KIAA2012: variants seen among roughly 807,000 people sequenced by gnomAD.
KIAA2012 encodes the protein uncharacterized protein KIAA2012.
KIAA2012 carries 125 observed loss-of-function variants against 150.6 expected under a neutral mutation model. The ratio of observed to expected loss-of-function variants is 0.83; its 90% CI spans 0.72 to 0.96. The LOEUF is 0.96. KIAA2012 is among the 40% of genes least tolerant of loss of function. The pLI is 0.00. For synonymous variants in KIAA2012, 462 were observed against 504.7 expected, an observed-to-expected ratio of 0.92 and a Z score of 1.13; for missense variants, 1,219 against 1,354.9, an observed-to-expected ratio of 0.90 and a Z score of 1.57.
Position 202,090,825 on chromosome 2 carries a change from GCCAGGCCCAACGGCAGAT to G in KIAA2012, c.430_447del (p.Ala144_Gln149del). The G allele has an allele frequency of 6.4e-7, 1 of 1,550,624 alleles. No individual in the cohort carries two copies. The highest frequency in any genetic ancestry group is 8.7e-7 in the Non-Finnish European group (1 of 1,146,984). ...CTCCACTTCCGAAGCCAGCTGGAGA[GCCAGGCCCAACGGCAGAT>G]CCAGCCAGGGCATTCAGCCAAGAGA... On this transcript the variant is annotated inframe_deletion, in exon 3 of 24. Transcript: ENST00000498697.
At chr2:202,139,698 C>T (rs1691159579) in intron 13 of KIAA2012, among the ~76,000 whole-genome samples, 1 of 152,212 alleles carries the variant, frequency 6.6e-6, no homozygotes, top group Non-Finnish European at 1.5e-5. Flanking sequence ...CTCCCTGCTG[C>T]CAAGGAGCTG....
rs774948285 is a variant in KIAA2012, at chr2:202,186,919, T to C, written c.2211-14T>C. On this transcript the variant is annotated splice_polypyrimidine_tract_variant and intron_variant, in intron 16 of 23. Coordinates refer to ENST00000498697, the MANE Select transcript of KIAA2012 (RefSeq NM_001277372.4). ...TTTCTTTAGTTTGGTCCTGTTGGTTTGCTCTTTTCAAAGGGGCAGAGATTA... is the reference window on the plus strand; with the variant it reads ...TTTCTTTAGTTTGGTCCTGTTGGTTCGCTCTTTTCAAAGGGGCAGAGATTA... 1.7e-5 allele frequency: 27 copies of C among 1,548,774 alleles called. No individual in the cohort carries two copies. Among genetic ancestry groups the C allele is most frequent in the Admixed American group, 1.4e-4 (7 of 50,602 alleles).
At chr2:202,160,267 T>A (rs1047524942) in intron 14 of KIAA2012, among the ~76,000 whole-genome samples, 2 of 152,162 alleles carry the variant, frequency 1.3e-5, no homozygotes, top group Non-Finnish European at 2.9e-5. Flanking sequence ...TATATTAATC[T>A]TTTTTATCTT....
Position 202,100,338 on chromosome 2 carries a change from C to G in KIAA2012, c.1044C>G (p.Ala348=), listed in dbSNP as rs933764766. ...DKQRNVKLHK[A]RSSHLLQVLP... is the part of the protein sequence containing the mutation. ...AAAGGAACGTGAAACTCCACAAGGC[C>G]AGAAGCAGCCACTTGTTACAGGTGC... Residue 348 remains alanine (A), a synonymous_variant, in exon 7 of 24, where the codon GCC becomes GCG. Coordinates refer to ENST00000498697, the MANE Select transcript of KIAA2012 (RefSeq NM_001277372.4). The G allele has an allele frequency of 1.9e-6, 3 of 1,550,452 alleles. No homozygotes were observed. In the African/African-American group the frequency reaches 4.1e-5, roughly 21 times the overall value.
At chr2:202,158,376 T>A (rs997235313) in intron 14 of KIAA2012, among the ~76,000 whole-genome samples, 12 of 152,204 alleles carry the variant, frequency 7.9e-5, no homozygotes, top group African/African-American at 2.7e-4. Context: ...ATCATCTCTA[T>A]CCTTGACCTT....
chr2:202,131,165 G>A (rs1311348726), intron 12 of KIAA2012, among the ~76,000 whole-genome samples: 1 of 152,144 alleles, frequency 6.6e-6, no homozygotes, highest in Non-Finnish European at 1.5e-5. Context: ...TTGAGATGGA[G>A]TCTGGCTCTT....
At chr2:202,100,196 C>A in intron 6 of KIAA2012, 111 bp from the exon 7 acceptor site, 1 of 1,197,702 alleles carries the variant, frequency 8.3e-7, no homozygotes, top group Non-Finnish European at 1.2e-6. Context: ...AGTGCCCCAG[C>A]ACACTGCCTG....
intron 2 of KIAA2012, among the ~76,000 whole-genome samples, chr2:202,082,624 T>G (rs1174798385): frequency 6.6e-6 from 1 of 152,124 alleles, no homozygotes. Flanking sequence ...GTTTTTAATT[T>G]TTATGAAGTC....
Position 202,100,448 on chromosome 2 carries a change from AG to A in KIAA2012, c.1155+1del. The A allele has an allele frequency of 1.3e-6, 2 of 1,550,014 alleles. No homozygotes were observed. Among genetic ancestry groups the A allele is most frequent in the Non-Finnish European group, 1.7e-6 (2 of 1,146,680 alleles). On this transcript the variant is annotated frameshift_variant and splice_region_variant, in exon 7 of 24. Transcript: ENST00000498697. LOFTEE classifies it high-confidence loss of function. ...ACCCCTGGGGAAGTGAAGAAGAAAAAGGTTGTGTGTATATGTATGTTTGTGC... is the reference window on the plus strand; with the variant it reads ...ACCCCTGGGGAAGTGAAGAAGAAAAAGTTGTGTGTATATGTATGTTTGTGC... ...IITPGEVKKK[K>X]APKALKLPPI...
intron 16 of KIAA2012, 112 bp downstream of exon 16, chr2:202,184,955 A>G (rs1001586425): frequency 2.7e-6 from 2 of 753,318 alleles, no homozygotes; most frequent in Non-Finnish European, 4.2e-6. Flanking sequence ...CTCAGCTGAC[A>G]GTATGCTCTA....
rs1328517562 is a variant in KIAA2012 at position 202,105,772 on chromosome 2, CCT to C, written c.1337_1338del (p.Pro446ArgfsTer47). 19 of 1,550,420 alleles carry C rather than the reference CCT, an allele frequency of 1.2e-5. No homozygotes were observed. Among genetic ancestry groups the C allele is most frequent in the Non-Finnish European group, 1.7e-5 (19 of 1,146,968 alleles). On this transcript the variant is annotated frameshift_variant, in exon 9 of 24. Coordinates refer to ENST00000498697, the MANE Select transcript of KIAA2012 (RefSeq NM_001277372.4). LOFTEE classifies it high-confidence loss of function. ...EKAHRRGAPH[P>X]ESEPESSEES... ...TCTTTGTCTCCTAGGTGCTCCACAC[CCT>C]GAGTCAGAACCAGAAAGCAGCGAAG...
chr2:202,153,318 G>A (rs1691462929), intron 13 of KIAA2012, among the ~76,000 whole-genome samples: 1 of 152,170 alleles, frequency 6.6e-6, no homozygotes, highest in Non-Finnish European at 1.5e-5. Context: ...TGGTGGGGAG[G>A]TGCTCATGCT....
chr2:202,091,525 C>T (rs1689722160), intron 3 of KIAA2012, among the ~76,000 whole-genome samples: 1 of 152,170 alleles, frequency 6.6e-6, no homozygotes. Flanking sequence ...CCTAAATGCA[C>T]TCTGTAGATG....
Position 202,196,822 on chromosome 2 carries a change from G to A in KIAA2012, c.3210G>A (p.Glu1070=), listed in dbSNP as rs1349949179. 6.5e-7 allele frequency: 1 copy of A among 1,550,374 alleles called. No homozygotes were observed. Reference sequence around the variant, plus strand: ...CAGAGGCAGAGAAGCAAAGGCAAGAGGAATTGGAAATGCAGTTAGAAGAAG... The same window carrying A: ...CAGAGGCAGAGAAGCAAAGGCAAGAAGAATTGGAAATGCAGTTAGAAGAAG... ...ERAEAEKQRQ[E]ELEMQLEEEQ... The change falls in exon 22 of 24, where the codon GAG becomes GAA. Residue 1070 remains glutamate, a synonymous_variant. Coordinates refer to ENST00000498697, the MANE Select transcript of KIAA2012 (RefSeq NM_001277372.4).
At chr2:202,181,853 T>C (rs1692126859) in intron 15 of KIAA2012, among the ~76,000 whole-genome samples, 1 of 152,122 alleles carries the variant, frequency 6.6e-6, no homozygotes, top group South Asian at 2.1e-4. Flanking sequence ...TGCTACTTTT[T>C]TAAAGCAGCT....
intron 13 of KIAA2012, among the ~76,000 whole-genome samples, chr2:202,144,284 A>C (rs1691254776): frequency 6.6e-6 from 1 of 152,198 alleles, no homozygotes; most frequent in African/African-American, 2.4e-5. Flanking sequence ...TTCAACCTAT[A>C]CTATCTCTTG....
intron 13 of KIAA2012, among the ~76,000 whole-genome samples, chr2:202,141,588 C>G (rs939901025): frequency 6.6e-6 from 1 of 152,240 alleles, no homozygotes; most frequent in African/African-American, 2.4e-5. Context: ...ATTGCCAGAG[C>G]TGCAGTCCTG....
intron 15 of KIAA2012, among the ~76,000 whole-genome samples, chr2:202,174,664 T>A (rs948787266): frequency 1.3e-5 from 2 of 152,256 alleles, no homozygotes; most frequent in African/African-American, 4.8e-5. Context: ...CATATACCCA[T>A]CTCTTGGCCA....
At chr2:202,161,347 CTTATCAGTGG>C (rs1232503501) in intron 14 of KIAA2012, among the ~76,000 whole-genome samples, 1 of 152,192 alleles carries the variant, frequency 6.6e-6, no homozygotes, top group African/African-American at 2.4e-5. Flanking sequence ...ACAGCTCAGT[CTTATCAGTGG>C]TTTGCTTGAA....
Sources: allele counts gnomAD v4.1 joint callset (sites outside exome capture counted in the v4.1 genomes callset), GRCh38; gene constraint gnomAD v4.1.1; transcripts MANE v1.5; gene names NCBI Gene and HGNC (gene_info 2026-07-23, HGNC 2026-07-21).